Variants in EFNA5 observed in about 807,000 individuals in gnomAD.
The protein encoded by EFNA5 is ephrin-A5.
In EFNA5, 5 loss-of-function variants were observed where a neutral mutation model predicts 22.9. The ratio of observed to expected loss-of-function variants is 0.22; its 90% CI spans 0.11 to 0.46. The LOEUF (loss-of-function observed/expected upper bound fraction) is 0.46, where lower values mean the gene tolerates loss of function less well. Among genes scored for constraint, EFNA5 ranks in the 20% least tolerant of loss-of-function variants. EFNA5 has a pLI of 0.99. For synonymous variants in EFNA5, 113 were observed against 112.2 expected, an observed-to-expected ratio of 1.01 and a Z score of -0.04; for missense variants, 237 against 293.3, an observed-to-expected ratio of 0.81 and a Z score of 1.40.
At chr5:107,564,217 G>A (rs897721370) in intron 1 of EFNA5, among the ~76,000 whole-genome samples, 2 of 152,156 alleles carry the variant, frequency 1.3e-5, no homozygotes, top group African/African-American at 2.4e-5. Context: ...TCATTTTCTG[G>A]AATATGCTCC....
intron 1 of EFNA5, among the ~76,000 whole-genome samples, chr5:107,634,162 A>G (rs1032978254): frequency 3.3e-5 from 5 of 152,190 alleles, no homozygotes; most frequent in African/African-American, 1.2e-4. Flanking sequence ...ACACCTCACC[A>G]TTTCTCAACT....
intron 1 of EFNA5, among the ~76,000 whole-genome samples, chr5:107,486,926 C>T (rs1746643549): frequency 6.6e-6 from 1 of 152,306 alleles, no homozygotes; most frequent in East Asian, 1.9e-4. Context: ...TTCCTTCCCC[C>T]TTTGGCTGAC....
intron 1 of EFNA5, among the ~76,000 whole-genome samples, chr5:107,600,010 C>A (rs187865908): frequency 6.6e-6 from 1 of 152,310 alleles, no homozygotes; most frequent in Admixed American, 6.5e-5. Context: ...GTGAAGTAGA[C>A]AGATTCAAGA....
chr5:107,585,274 A>G (rs1457474999), intron 1 of EFNA5, among the ~76,000 whole-genome samples: 2 of 152,212 alleles, frequency 1.3e-5, no homozygotes, highest in African/African-American at 4.8e-5. Flanking sequence ...TCTAGAAAAT[A>G]CCAAGCCCAA....
At chr5:107,597,321 T>G (rs1374311945) in intron 1 of EFNA5, among the ~76,000 whole-genome samples, 1 of 152,158 alleles carries the variant, frequency 6.6e-6, no homozygotes, top group Non-Finnish European at 1.5e-5. Flanking sequence ...TTGGTCAAAT[T>G]TGGTTTCCAT....
intron 1 of EFNA5, among the ~76,000 whole-genome samples, chr5:107,585,697 T>C (rs1018452941): frequency 1.3e-5 from 2 of 151,792 alleles, no homozygotes; most frequent in African/African-American, 4.9e-5. Flanking sequence ...ATTGAATTAG[T>C]AAATCCTTTA....
intron 1 of EFNA5, among the ~76,000 whole-genome samples, chr5:107,613,096 A>G (rs1561449526): frequency 6.6e-6 from 1 of 152,022 alleles, no homozygotes; most frequent in African/African-American, 2.4e-5. Context: ...TTCTTTCGCA[A>G]TAAAAAAAAA....
intron 1 of EFNA5, among the ~76,000 whole-genome samples, chr5:107,531,413 C>T (rs959768585): frequency 3.9e-5 from 6 of 152,096 alleles, no homozygotes; most frequent in South Asian, 2.1e-4. Flanking sequence ...GTGAGGCTGC[C>T]GAAGGCAGGA....
intron 1 of EFNA5, among the ~76,000 whole-genome samples, chr5:107,620,081 A>G (rs538732421): frequency 6.6e-6 from 1 of 152,220 alleles, no homozygotes; most frequent in Non-Finnish European, 1.5e-5. Context: ...CCTTATTCAG[A>G]CACTTCCTTC....
chr5:107,500,776 T>C (rs1199726485), intron 1 of EFNA5, among the ~76,000 whole-genome samples: 1 of 152,122 alleles, frequency 6.6e-6, no homozygotes, highest in Non-Finnish European at 1.5e-5. Flanking sequence ...ATAAAAGGGC[T>C]ATATTATAAC....
chr5:107,390,094 C>G (rs1747744919), intron 2 of EFNA5, among the ~76,000 whole-genome samples: 1 of 152,228 alleles, frequency 6.6e-6, no homozygotes, highest in Non-Finnish European at 1.5e-5. Flanking sequence ...CTAACCCTTA[C>G]AGCCAACCTG....
intron 1 of EFNA5, among the ~76,000 whole-genome samples, chr5:107,658,927 C>T (rs1750884392): frequency 6.6e-6 from 1 of 152,162 alleles, no homozygotes; most frequent in Non-Finnish European, 1.5e-5. Flanking sequence ...GCAGTATCTC[C>T]AGTACTGAGA....
chr5:107,601,093 T>C (rs369122141), intron 1 of EFNA5, among the ~76,000 whole-genome samples: 3 of 152,218 alleles, frequency 2.0e-5, no homozygotes, highest in East Asian at 1.9e-4. Context: ...CATCCCTAGA[T>C]GAGATACATG....
chr5:107,622,870 A>C (rs1484140360), intron 1 of EFNA5, among the ~76,000 whole-genome samples: 1 of 151,146 alleles, frequency 6.6e-6, no homozygotes, highest in Non-Finnish European at 1.5e-5. Context: ...AAATACAAAA[A>C]ATTAGCCGGG....
intron 1 of EFNA5, among the ~76,000 whole-genome samples, chr5:107,501,760 T>C (rs529967919): frequency 1.3e-5 from 2 of 152,326 alleles, no homozygotes; most frequent in Non-Finnish European, 2.9e-5. Flanking sequence ...TTTCATAACC[T>C]GAATTAACGA....
rs574101151 is a variant in EFNA5 at position 107,528,102 on chromosome 5, C to A, written c.126-100593G>T. ...ACATTGGCACGGAGCTGGTAATTGA[C>A]AGGCAGTATAGCAGGAGTTACTCTT... is the stretch of plus-strand genomic sequence containing the variant. On this transcript the variant is annotated intron_variant, in intron 1 of 4. Transcript: ENST00000333274. Among the ~76,000 whole-genome samples, 17 of 152,288 alleles carry A rather than the reference C, an allele frequency of 1.1e-4. No individual in the cohort carries two copies. In the South Asian group the frequency reaches 3.1e-3, roughly 28 times the overall value.
chr5:107,538,441 A>C (rs2112458020), intron 1 of EFNA5, among the ~76,000 whole-genome samples: 1 of 152,348 alleles, frequency 6.6e-6, no homozygotes, highest in East Asian at 1.9e-4. Flanking sequence ...AGACACAAAA[A>C]TTTAGATGCC....
intron 1 of EFNA5, among the ~76,000 whole-genome samples, chr5:107,499,300 T>C (rs1747078212): frequency 6.6e-6 from 1 of 152,218 alleles, no homozygotes; most frequent in Non-Finnish European, 1.5e-5. Flanking sequence ...TCTCCCTTTC[T>C]GTCTCTGAGT....
At chr5:107,477,066 G>A (rs1342573462) in intron 1 of EFNA5, among the ~76,000 whole-genome samples, 2 of 152,104 alleles carry the variant, frequency 1.3e-5, no homozygotes, top group Non-Finnish European at 2.9e-5. Flanking sequence ...AACAGGAAAG[G>A]CTGTGTGGCA....
Sources: allele counts gnomAD v4.1 joint callset (sites outside exome capture counted in the v4.1 genomes callset), GRCh38; gene constraint gnomAD v4.1.1; transcripts MANE v1.5; gene names NCBI Gene and HGNC (gene_info 2026-07-23, HGNC 2026-07-21).